SIPA1L1: variants seen among roughly 807,000 people sequenced by gnomAD.
SIPA1L1 encodes signal induced proliferation associated 1 like 1.
In SIPA1L1, 26 loss-of-function variants were observed where a neutral mutation model predicts 162.7. The ratio of observed to expected loss-of-function variants is 0.16; its 90% CI spans 0.12 to 0.22. The LOEUF (loss-of-function observed/expected upper bound fraction) is 0.22. Among genes scored for constraint, SIPA1L1 ranks in the 10% least tolerant of loss-of-function variants. The probability of loss-of-function intolerance (pLI) is 1.00; values close to 1 mark genes in which losing one functional copy is unlikely to be tolerated. For missense variants in SIPA1L1, 1,874 were observed against 2,241.0 expected, an observed-to-expected ratio of 0.84 and a Z score of 3.31; for synonymous variants, 829 against 837.4, an observed-to-expected ratio of 0.99 and a Z score of 0.17.
chr14:71,675,225 G>A (rs1162814034), intron 12 of SIPA1L1, among the ~76,000 whole-genome samples: 1 of 152,182 alleles, frequency 6.6e-6, no homozygotes, highest in Non-Finnish European at 1.5e-5. Context: ...ACGCTCTCAG[G>A]CCTTCCCGGA....
chr14:71,523,955 T>A (rs1320221754), intron 3 of SIPA1L1, among the ~76,000 whole-genome samples: 1 of 152,230 alleles, frequency 6.6e-6, no homozygotes, highest in Non-Finnish European at 1.5e-5. Flanking sequence ...GTCTCAGTTT[T>A]GCAGCCAGAC....
chr14:71,322,597 T>C (rs762185866), intron 2 of SIPA1L1, among the ~76,000 whole-genome samples: 5 of 152,206 alleles, frequency 3.3e-5, no homozygotes, highest in African/African-American at 7.2e-5. Flanking sequence ...AAAACATTTT[T>C]CCCATGGAAT....
chr14:71,647,860 G>T (rs1321950734), intron 7 of SIPA1L1, among the ~76,000 whole-genome samples: 1 of 151,886 alleles, frequency 6.6e-6, no homozygotes, highest in African/African-American at 2.4e-5. Context: ...CTAAGAAAGG[G>T]GTTAAATGTC....
chr14:71,644,849 G>A (rs1240284884), intron 7 of SIPA1L1, among the ~76,000 whole-genome samples: 1 of 152,082 alleles, frequency 6.6e-6, no homozygotes, highest in Non-Finnish European at 1.5e-5. Context: ...AAATACACAA[G>A]CCTGAATGAC....
intron 2 of SIPA1L1, among the ~76,000 whole-genome samples, chr14:71,478,382 G>A (rs1330184241): frequency 6.6e-6 from 1 of 151,990 alleles, no homozygotes; most frequent in Non-Finnish European, 1.5e-5. Context: ...TTTTGAAGAA[G>A]TACAGTTTAT....
At chr14:71,322,839 G>C (rs1206746922) in intron 2 of SIPA1L1, among the ~76,000 whole-genome samples, 1 of 152,216 alleles carries the variant, frequency 6.6e-6, no homozygotes, top group Non-Finnish European at 1.5e-5. Flanking sequence ...CAGTCAGTAG[G>C]TGTTGCTGTT....
chr14:71,679,555 TAATGACAGGATCAGATTTACAC>T (rs2045574553), intron 12 of SIPA1L1, among the ~76,000 whole-genome samples: 1 of 152,200 alleles, frequency 6.6e-6, no homozygotes. Flanking sequence ...GCTAACATCA[TAATGACAGGATCAGATTTACAC>T]ATAACAATAT....
chr14:71,594,683 A>G (rs1417507858), intron 5 of SIPA1L1, among the ~76,000 whole-genome samples: 1 of 152,218 alleles, frequency 6.6e-6, no homozygotes, highest in African/African-American at 2.4e-5. Flanking sequence ...GAAAGTTTTT[A>G]TACATATATA....
chr14:71,585,514 T>C (rs1472888849), intron 4 of SIPA1L1, among the ~76,000 whole-genome samples: 1 of 152,160 alleles, frequency 6.6e-6, no homozygotes, highest in African/African-American at 2.4e-5. Context: ...CAAGTCAGTT[T>C]TATTTCTTGT....
At chr14:71,729,227 G>A (rs1053495659) in intron 19 of SIPA1L1, among the ~76,000 whole-genome samples, 2 of 152,022 alleles carry the variant, frequency 1.3e-5, no homozygotes, top group Admixed American at 6.6e-5. Context: ...GTAGAGACGG[G>A]GTTTCACCAT....
intron 2 of SIPA1L1, among the ~76,000 whole-genome samples, chr14:71,338,034 A>T (rs980265906): frequency 4.6e-5 from 7 of 152,174 alleles, no homozygotes; most frequent in Admixed American, 2.0e-4. Context: ...GGTACTCCTT[A>T]TCAGTATCTT....
chr14:71,692,942 A>G (rs1270027988), intron 13 of SIPA1L1, among the ~76,000 whole-genome samples: 2 of 152,162 alleles, frequency 1.3e-5, no homozygotes, highest in African/African-American at 4.8e-5. Context: ...AGTGTGTGGC[A>G]GTGGGCAAGG....
chr14:71,345,462 G>A (rs576973014), intron 2 of SIPA1L1, among the ~76,000 whole-genome samples: 1 of 152,286 alleles, frequency 6.6e-6, no homozygotes, highest in South Asian at 2.1e-4. Flanking sequence ...AAGTTAGAGG[G>A]AAGCTGGGGG....
intron 2 of SIPA1L1, among the ~76,000 whole-genome samples, chr14:71,414,828 A>G (rs1013362268): frequency 1.3e-5 from 2 of 152,234 alleles, no homozygotes; most frequent in African/African-American, 4.8e-5. Context: ...TATATGCATT[A>G]CTATTGCTCT....
chr14:71,350,849 T>C (rs913781782), intron 2 of SIPA1L1, among the ~76,000 whole-genome samples: 14 of 152,248 alleles, frequency 9.2e-5, no homozygotes, highest in African/African-American at 3.4e-4. Flanking sequence ...CAAAAGGCTG[T>C]CCTTATGAAC....
intron 2 of SIPA1L1, among the ~76,000 whole-genome samples, chr14:71,353,023 A>G (rs2036873877): frequency 1.3e-5 from 2 of 152,246 alleles, no homozygotes; most frequent in Admixed American, 1.3e-4. Context: ...TTAAATGACC[A>G]TATACATTTG....
chr14:71,495,886 C>CAAAAAAAAAAAA (rs61183823), intron 2 of SIPA1L1, among the ~76,000 whole-genome samples: 5 of 38,016 alleles, frequency 1.3e-4, no homozygotes, highest in African/African-American at 1.8e-4. Context: ...TCCATCTCTA[C>CAAAAAAAAAAAA]AAAAAAAAAA....
chr14:71,734,948 A>G (rs1032119468), intron 21 of SIPA1L1, among the ~76,000 whole-genome samples: 9 of 152,202 alleles, frequency 5.9e-5, no homozygotes, highest in African/African-American at 2.2e-4. Context: ...CATTTATTTC[A>G]TTGCTGAGTG....
At chr14:71,394,858 C>T (rs187371343) in intron 2 of SIPA1L1, among the ~76,000 whole-genome samples, 8 of 152,180 alleles carry the variant, frequency 5.3e-5, no homozygotes, top group African/African-American at 1.4e-4. Flanking sequence ...TTGTGTGATT[C>T]GTTTTAATAC....
Sources: gnomAD v4.1 joint callset for allele counts (sites outside exome capture counted in the v4.1 genomes callset) on GRCh38, gnomAD v4.1.1 for gene constraint, MANE v1.5 for transcripts, NCBI Gene and HGNC (gene_info 2026-07-23, HGNC 2026-07-21) for gene names.